The following CUX2 variants were observed in gnomAD, a reference collection of about 807,000 sequenced individuals.
The protein encoded by CUX2 is cut like homeobox 2.
A neutral mutation model predicts 144.8 loss-of-function variants in CUX2; 40 were observed. The ratio of observed to expected loss-of-function variants is 0.28; its 90% CI spans 0.21 to 0.36. The LOEUF (loss-of-function observed/expected upper bound fraction) is 0.36. Ranked by LOEUF, CUX2 falls within the 10% of genes least tolerant of loss-of-function variation. The pLI, the probability that CUX2 is intolerant of heterozygous loss-of-function variation, is 1.00. For missense variants in CUX2, 1,615 were observed against 1,994.0 expected, an observed-to-expected ratio of 0.81 and a Z score of 3.62; for synonymous variants, 827 against 875.6, an observed-to-expected ratio of 0.94 and a Z score of 0.98.
At chr12:111,041,569 G>T (rs181901042) in intron 1 of CUX2, among the ~76,000 whole-genome samples, 1 of 152,330 alleles carries the variant, frequency 6.6e-6, no homozygotes, top group East Asian at 1.9e-4. Flanking sequence ...AAACACTTTT[G>T]TGTAAGTTGT....
At chr12:111,189,356 C>T (rs1879741892) in intron 1 of CUX2, among the ~76,000 whole-genome samples, 1 of 152,232 alleles carries the variant, frequency 6.6e-6, no homozygotes, top group African/African-American at 2.4e-5. Flanking sequence ...CCACCCTACC[C>T]TGCCAGCAAC....
chr12:111,215,716 G>A (rs1417560203), intron 2 of CUX2, among the ~76,000 whole-genome samples: 1 of 152,092 alleles, frequency 6.6e-6, no homozygotes, highest in Non-Finnish European at 1.5e-5. Context: ...TTGACTCCAG[G>A]AATCAGAGCT....
At chr12:111,229,170 C>T (rs1158781375) in intron 3 of CUX2, among the ~76,000 whole-genome samples, 1 of 152,060 alleles carries the variant, frequency 6.6e-6, no homozygotes, top group Non-Finnish European at 1.5e-5. Flanking sequence ...GTGGAGGTGC[C>T]GAATGCTGCC....
chr12:111,309,262 C>T (rs1262502789), intron 14 of CUX2, among the ~76,000 whole-genome samples: 2 of 152,224 alleles, frequency 1.3e-5, no homozygotes, highest in Admixed American at 1.3e-4. Flanking sequence ...CCTCTGTTTC[C>T]TCATCCATAA....
In CUX2 at chr12:111,119,256, C is replaced by T. The variant is rs74772256; in HGVS notation, c.63+85016C>T. Among the ~76,000 whole-genome samples the T allele has an allele frequency of 7.5e-3, 1,137 of 152,190 alleles. 34 individuals are homozygous for T. The highest frequency in any genetic ancestry group is 0.052 in the Admixed American group (795 of 15,270). On this transcript the variant is annotated intron_variant, in intron 1 of 21. Transcript: ENST00000261726. ...ATGCATGTGCAGGGTGCATGCCAGT[C>T]CCCATCTATGGTGTCCCTTACAGGG...
At chr12:111,325,102 G>C (rs539390428) in intron 18 of CUX2, among the ~76,000 whole-genome samples, 1 of 150,848 alleles carries the variant, frequency 6.6e-6, no homozygotes. Flanking sequence ...TGGCTAACTC[G>C]GTGAAACCCG....
Position 111,320,535 on chromosome 12 carries a change from G to C in CUX2, c.2526G>C (p.Ala842=), listed in dbSNP as rs778591635. Residue 842 remains alanine, a synonymous_variant, in exon 17 of 22, where the codon GCG becomes GCC. Coordinates refer to ENST00000261726, the MANE Select transcript of CUX2 (RefSeq NM_015267.4). This position sits in a 1 kb window ranked among gnomAD's most constrained non-coding sequence, Gnocchi z 8.1. The part of the protein sequence containing the change: ...VPPEDEAAAG[A]EDEPPRTGEL... ...CCGAGGACGAGGCGGCGGCAGGGGCGGAGGACGAACCCCCCAGGACGGGCG... is the reference window on the plus strand; with the variant it reads ...CCGAGGACGAGGCGGCGGCAGGGGCCGAGGACGAACCCCCCAGGACGGGCG... The C allele has an allele frequency of 6.4e-7, 1 of 1,553,676 alleles. No homozygotes were observed. Among genetic ancestry groups the C allele is most frequent in the East Asian group, 2.4e-5 (1 of 42,056 alleles).
Position 111,160,602 on chromosome 12 carries a change from A to G in CUX2, c.64-53598A>G, listed in dbSNP as rs1205836699. The stretch of plus-strand genomic sequence containing the variant: ...CTTGGCTGTGGAGGTCTCCTTGGCC[A>G]CACGAAGGGGCCTGGGTTTTTGTCT... On this transcript the variant is annotated intron_variant, in intron 1 of 21. Coordinates refer to ENST00000261726, the MANE Select transcript of CUX2 (RefSeq NM_015267.4). This position sits in a 1 kb window ranked among gnomAD's most constrained non-coding sequence, Gnocchi z 4.1. Among the ~76,000 whole-genome samples, 2 of 152,102 alleles carry G rather than the reference A, an allele frequency of 1.3e-5. No homozygotes were observed. Among genetic ancestry groups the G allele is most frequent in the Non-Finnish European group, 2.9e-5 (2 of 68,028 alleles).
In CUX2 at chr12:111,265,309, TTTTTATTTTATTTTATTTTATTTTA is replaced by T. The variant is rs199678456; in HGVS notation, c.301+1495_301+1519del. On this transcript the variant is annotated intron_variant, in intron 4 of 21. Transcript: ENST00000261726. Reference sequence around the variant, plus strand: ...GCTTCCCCTATTTTATTTTATTTTATTTTTATTTTATTTTATTTTATTTTATTTTATTTTATTTTATTTTATTTTT... The same window carrying T: ...GCTTCCCCTATTTTATTTTATTTTATTTTTATTTTATTTTATTTTATTTTT... Among the ~76,000 whole-genome samples the T allele has an allele frequency of 5.0e-3, 722 of 143,716 alleles. 21 individuals are homozygous for T. The East Asian group carries it at 0.084, about 17-fold the overall frequency. 94.3% of individuals were successfully genotyped at this position (143,716 alleles called of 152,430 possible).
chr12:111,155,395 T>C (rs1877308969), intron 1 of CUX2, among the ~76,000 whole-genome samples: 1 of 152,244 alleles, frequency 6.6e-6, no homozygotes, highest in South Asian at 2.1e-4. Flanking sequence ...TGGGCCATGA[T>C]TCTTAGTGCT....
chr12:111,107,268 C>T (rs1873667969), intron 1 of CUX2, among the ~76,000 whole-genome samples: 1 of 152,222 alleles, frequency 6.6e-6, no homozygotes, highest in East Asian at 1.9e-4. Context: ...GTGGCCAAGC[C>T]CACAGGCCCC....
chr12:111,151,607 A>C (rs1439209161), intron 1 of CUX2, among the ~76,000 whole-genome samples: 8 of 152,152 alleles, frequency 5.3e-5, no homozygotes, highest in Non-Finnish European at 1.2e-4. Context: ...ACGGCAGAGG[A>C]AGACGACTGA....
chr12:111,239,659 C>G (rs1367707192), intron 3 of CUX2, among the ~76,000 whole-genome samples: 1 of 152,178 alleles, frequency 6.6e-6, no homozygotes, highest in African/African-American at 2.4e-5. Flanking sequence ...TCATCTCCTT[C>G]CCTTTTTTTC....
rs139611085 is a variant in CUX2 at position 111,098,197 on chromosome 12, C to G, written c.63+63957C>G. On this transcript the variant is annotated intron_variant, in intron 1 of 21. Coordinates refer to ENST00000261726, the MANE Select transcript of CUX2 (RefSeq NM_015267.4). Reference sequence around the variant, plus strand: ...AGTGGATCACTTGAGGTCAGGAGTTCAAGACTAGGCTGGACAACATGGCAA... The same window carrying G: ...AGTGGATCACTTGAGGTCAGGAGTTGAAGACTAGGCTGGACAACATGGCAA... Among the ~76,000 whole-genome samples, 1,247 of 152,150 alleles carry G rather than the reference C, an allele frequency of 8.2e-3. 19 individuals are homozygous for G. The highest frequency in any genetic ancestry group is 0.029 in the African/African-American group (1,204 of 41,488).
intron 1 of CUX2, among the ~76,000 whole-genome samples, chr12:111,036,225 G>A (rs1394638450): frequency 6.6e-6 from 1 of 152,212 alleles, no homozygotes; most frequent in Non-Finnish European, 1.5e-5. Flanking sequence ...GATTTACAGC[G>A]CTGGTATTTG....
intron 1 of CUX2, among the ~76,000 whole-genome samples, chr12:111,184,558 A>T (rs1322158310): frequency 6.7e-6 from 1 of 149,064 alleles, no homozygotes; most frequent in Non-Finnish European, 1.5e-5. Flanking sequence ...GCAACATGGC[A>T]AACCTTCTCT....
At chr12:111,240,696 T>C (rs1034788039) in intron 3 of CUX2, among the ~76,000 whole-genome samples, 1 of 152,176 alleles carries the variant, frequency 6.6e-6, no homozygotes, top group Admixed American at 6.5e-5. Flanking sequence ...AAATTGAGTA[T>C]GAATGCCTTG....
At chr12:111,163,380 G>A (rs1877909598) in intron 1 of CUX2, among the ~76,000 whole-genome samples, 1 of 152,170 alleles carries the variant, frequency 6.6e-6, no homozygotes, top group South Asian at 2.1e-4. Context: ...TAGTGACGGT[G>A]GACAGTACCT....
At chr12:111,112,240 G>GGGTT (rs201947012) in intron 1 of CUX2, among the ~76,000 whole-genome samples, 1,665 of 152,240 alleles carry the variant, frequency 0.011, 109 homozygotes, top group Admixed American at 0.098. Context: ...CTGGGTGGGT[G>GGGTT]GGTTTTATGC....
Sources: gnomAD v4.1 joint callset for allele counts (sites outside exome capture counted in the v4.1 genomes callset) on GRCh38, gnomAD v4.1.1 for gene constraint, Gnocchi (gnomAD v3.1) non-coding constraint, MANE v1.5 for transcripts, NCBI Gene and HGNC (gene_info 2026-07-23, HGNC 2026-07-21) for gene names.